The following ATP6AP2 variants were observed in gnomAD, a reference collection of about 807,000 sequenced individuals.
ATP6AP2 encodes ATPase H+ transporting accessory protein 2.
Under a neutral mutation model 23.4 loss-of-function variants are expected in ATP6AP2, and 1 was observed. The observed-to-expected ratio is 0.04, with a 90% CI of 0.02 to 0.20. The LOEUF is 0.20. Among genes scored for constraint, ATP6AP2 ranks in the 10% least tolerant of loss-of-function variants. The probability of loss-of-function intolerance (pLI) is 1.00; values close to 1 mark genes in which losing one functional copy is unlikely to be tolerated. For synonymous variants in ATP6AP2, 90 were observed against 97.1 expected, an observed-to-expected ratio of 0.93 and a Z score of 0.43; for missense variants, 174 against 271.3, an observed-to-expected ratio of 0.64 and a Z score of 2.52.
rs377597654 is a variant in ATP6AP2 at position 40,581,020 on chromosome X, C to A, written c.-46C>A. The A allele has an allele frequency of 4.6e-4, 538 of 1,160,049 alleles. 1 individual carries two copies. In the African/African-American group the frequency reaches 8.0e-3, roughly 17 times the overall value. On this transcript the variant is annotated 5_prime_UTR_variant, in exon 1 of 9. Transcript: ENST00000636580. ...GCTGCGGCTGTCGCCCGTGTCCCGC[C>A]GGCCCGTTCCGTGTCGCCCCGCAGT... is the stretch of plus-strand genomic sequence containing the variant.
chrX:40,581,216 G>A lies in ATP6AP2; in HGVS notation c.37+114G>A, dbSNP rs1926313273. The A allele has an allele frequency of 1.1e-5, 9 of 807,252 alleles. No individual in the cohort carries two copies. In the South Asian group the frequency reaches 2.0e-4, roughly 18 times the overall value. 66.5% of individuals were successfully genotyped at this position (807,252 alleles called of 1,213,427 possible). A position where few individuals can be genotyped will look rare whatever the true frequency, so the allele number is the denominator to read the frequency against. On this transcript the variant is annotated intron_variant, in intron 1 of 8. Coordinates refer to ENST00000636580, the MANE Select transcript of ATP6AP2 (RefSeq NM_005765.3). Reference sequence around the variant, plus strand: ...CGAGGCAGGTGCCGCAGTGCGGTCCGTCAGCGGCGGCCTCGCCTCAGCCGC... The same window carrying A: ...CGAGGCAGGTGCCGCAGTGCGGTCCATCAGCGGCGGCCTCGCCTCAGCCGC...
In ATP6AP2 at chrX:40,602,913, C is replaced by CTTTTTTTT. The variant is rs1351897356; in HGVS notation, c.858+2053_858+2060dup. Among the ~76,000 whole-genome samples the CTTTTTTTT allele has an allele frequency of 4.6e-4, 21 of 45,233 alleles. 1 individual carries two copies. Among genetic ancestry groups the CTTTTTTTT allele is most frequent in the African/African-American group, 2.1e-3 (17 of 8,107 alleles). 39.3% of individuals were successfully genotyped at this position (45,233 alleles called of 115,157 possible). A position where few individuals can be genotyped will look rare whatever the true frequency, so the allele number is the denominator to read the frequency against. On this transcript the variant is annotated intron_variant, in intron 8 of 8. Coordinates refer to ENST00000636580, the MANE Select transcript of ATP6AP2 (RefSeq NM_005765.3). Reference sequence around the variant, plus strand: ...GAGTGGGGATGCCTCCCAGAGAATTCTTTTTTTTTTTTTTTTTTTTTTTTT... The same window carrying CTTTTTTTT: ...GAGTGGGGATGCCTCCCAGAGAATTCTTTTTTTTTTTTTTTTTTTTTTTTTTTTTTTTT...
chrX:40,600,928 T>TA, intron 8 of ATP6AP2, 47 bp downstream of exon 8: 1 of 1,026,918 alleles, frequency 9.7e-7, no homozygotes, highest in Admixed American at 3.1e-5. Flanking sequence ...AATTAACTTC[T>TA]TATAAAAAAA....
chrX:40,588,098 G>A (rs150888162), intron 1 of ATP6AP2, among the ~76,000 whole-genome samples: 2 of 112,199 alleles, frequency 1.8e-5, no homozygotes, highest in African/African-American at 3.2e-5. Flanking sequence ...TAGACATCAC[G>A]AGGTTAATAG....
intron 8 of ATP6AP2, 62 bp downstream of exon 8, chrX:40,600,943 A>AAC: frequency 8.9e-7 from 1 of 1,120,474 alleles, no homozygotes; most frequent in Non-Finnish European, 1.2e-6. Flanking sequence ...AAAAAAAAAA[A>AAC]ACCAAGTCCT....
chrX:40,584,864 C>T lies in ATP6AP2; in HGVS notation c.37+3762C>T, dbSNP rs748433131. ...CCTCAAATGATCTGCCTGCCTCAGC[C>T]TCTGAAAGTGCTGGGATTACAGGCA... On this transcript the variant is annotated intron_variant, in intron 1 of 8. Coordinates refer to ENST00000636580, the MANE Select transcript of ATP6AP2 (RefSeq NM_005765.3). Among the ~76,000 whole-genome samples, 171 of 111,647 alleles carry T rather than the reference C, an allele frequency of 1.5e-3. 1 individual carries two copies. The highest frequency in any genetic ancestry group is 5.5e-3 in the African/African-American group (168 of 30,714).
At chrX:40,581,515 G>A (rs766070941) in intron 1 of ATP6AP2, among the ~76,000 whole-genome samples, 29 of 113,059 alleles carry the variant, frequency 2.6e-4, no homozygotes, top group Non-Finnish European at 4.3e-4. Flanking sequence ...CATTTGTATG[G>A]TGCCTTCATT....
In ATP6AP2 at chrX:40,597,355, A is replaced by C; in HGVS notation, c.396+11A>C. The C allele has an allele frequency of 1.7e-6, 2 of 1,152,177 alleles. No homozygotes were observed. The highest frequency in any genetic ancestry group is 2.4e-6 in the Non-Finnish European group (2 of 842,316). 95.0% of individuals were successfully genotyped at this position (1,152,177 alleles called of 1,213,427 possible). A position where few individuals can be genotyped will look rare whatever the true frequency, so the allele number is the denominator to read the frequency against. ...GCTCCCAGTGAGGAAGTAAGTGATA[A>C]GGGTTTTATTCAAGACATTTTAAAA... On this transcript the variant is annotated intron_variant, in intron 4 of 8. Coordinates refer to ENST00000636580, the MANE Select transcript of ATP6AP2 (RefSeq NM_005765.3).
chrX:40,599,503 T>C, intron 6 of ATP6AP2, 89 bp from the exon 7 acceptor site: 10 of 1,060,752 alleles, frequency 9.4e-6, no homozygotes, highest in Non-Finnish European at 1.3e-5. Context: ...TAGCCTAGTT[T>C]AGTTAGGCAT....
chrX:40,599,916 T>A (rs1926864513), intron 7 of ATP6AP2, 175 bp downstream of exon 7: 1 of 499,294 alleles, frequency 2.0e-6, no homozygotes, highest in Non-Finnish European at 3.3e-6. Flanking sequence ...ATTGATATAT[T>A]TCTTCCTAAT....
intron 6 of ATP6AP2, 174 bp downstream of exon 6, chrX:40,598,908 C>A: frequency 2.1e-6 from 1 of 474,267 alleles, no homozygotes; most frequent in Non-Finnish European, 3.6e-6. Flanking sequence ...ATGTTATAGT[C>A]AAATTATTTT....
chrX:40,598,903 A>G (rs1294162206), intron 6 of ATP6AP2, 169 bp downstream of exon 6: 4 of 479,857 alleles, frequency 8.3e-6, no homozygotes, highest in African/African-American at 7.3e-5. Context: ...CATCCATGTT[A>G]TAGTCAAATT....
intron 8 of ATP6AP2, 134 bp downstream of exon 8, chrX:40,601,015 A>G (rs1926892460): frequency 1.5e-6 from 1 of 666,597 alleles, no homozygotes. Context: ...TTCAGTTAAA[A>G]CGTAAGCTTC....
chrX:40,596,509 G>T (rs1926777969), intron 3 of ATP6AP2, among the ~76,000 whole-genome samples: 1 of 111,351 alleles, frequency 9.0e-6, no homozygotes, highest in Non-Finnish European at 1.9e-5. Context: ...GTAGTACTTC[G>T]AGGGCGCTGA....
At position 40,599,690 on chromosome X, in the gene ATP6AP2, C is replaced by A. The variant is rs944370993; in HGVS notation, c.687C>A (p.Asp229Glu). ...LDEIGKRYGE[D>E]SEQFRDASKI... The stretch of plus-strand genomic sequence containing the variant: ...AAATTGGGAAGCGTTATGGGGAAGA[C>A]TCTGAACAATTCAGAGATGCTTCTA... Residue 229 changes from aspartate (D) to glutamate (E), a missense_variant, in exon 7 of 9, where the codon GAC becomes GAA. Transcript: ENST00000636580. 8.3e-7 allele frequency: 1 copy of A among 1,211,614 alleles called. No individual in the cohort carries two copies. Among genetic ancestry groups the A allele is most frequent in the Non-Finnish European group, 1.1e-6 (1 of 895,381 alleles).
intron 7 of ATP6AP2, 37 bp from the exon 8 acceptor site, chrX:40,600,725 G>A (rs759415915): frequency 2.6e-6 from 3 of 1,174,235 alleles, no homozygotes; most frequent in East Asian, 6.0e-5. Flanking sequence ...AAAGTACATA[G>A]TTGAGATTCC....
chrX:40,586,420 A>G (rs1926472248), intron 1 of ATP6AP2, among the ~76,000 whole-genome samples: 1 of 111,303 alleles, frequency 9.0e-6, no homozygotes, highest in African/African-American at 3.3e-5. Flanking sequence ...CTGGAGGGAG[A>G]GGAGTTACAG....
intron 3 of ATP6AP2, among the ~76,000 whole-genome samples, chrX:40,593,482 GT>G (rs1304173442): frequency 1.8e-5 from 2 of 109,852 alleles, no homozygotes; most frequent in African/African-American, 6.6e-5. Flanking sequence ...ATTCCATTAT[GT>G]TTATATACCA....
At chrX:40,596,533 C>T (rs957736267) in intron 3 of ATP6AP2, among the ~76,000 whole-genome samples, 1 of 111,169 alleles carries the variant, frequency 9.0e-6, no homozygotes, top group Non-Finnish European at 1.9e-5. Flanking sequence ...TGTTCTGTGT[C>T]GATCTGGCTG....
Sources: gnomAD v4.1 joint callset for allele counts (sites outside exome capture counted in the v4.1 genomes callset) on GRCh38, gnomAD v4.1.1 for gene constraint, MANE v1.5 for transcripts, NCBI Gene and HGNC (gene_info 2026-07-23, HGNC 2026-07-21) for gene names.